The following RALGAPA1 variants were observed in gnomAD, a reference collection of about 807,000 sequenced individuals.
The protein encoded by RALGAPA1 is ral GTPase-activating protein subunit alpha-1.
A neutral mutation model predicts 269.6 loss-of-function variants in RALGAPA1; 52 were observed. The observed-to-expected ratio is 0.19, with a 90% confidence interval of 0.15 to 0.24. The LOEUF is 0.24. Among genes scored for constraint, RALGAPA1 ranks in the 10% least tolerant of loss-of-function variants. RALGAPA1 has a pLI of 1.00. For synonymous variants in RALGAPA1, 817 were observed against 1,008.3 expected, an observed-to-expected ratio of 0.81 and a Z score of 3.60; for missense variants, 1,917 against 3,013.9, an observed-to-expected ratio of 0.64 and a Z score of 8.52.
intron 37 of RALGAPA1, among the ~76,000 whole-genome samples, chr14:35,590,071 TC>T (rs2058546202): frequency 6.6e-6 from 1 of 152,208 alleles, no homozygotes. Flanking sequence ...TAAGATAAAT[TC>T]CTGGAACAAA....
Position 35,539,688 on chromosome 14 carries a change from A to T in RALGAPA1, c.*26T>A, listed in dbSNP as rs56329672. The T allele has an allele frequency of 6.2e-7, 1 of 1,613,718 alleles. No individual in the cohort carries two copies. Among genetic ancestry groups the T allele is most frequent in the Non-Finnish European group, 8.5e-7 (1 of 1,179,886 alleles). On this transcript the variant is annotated splice_region_variant and 3_prime_UTR_variant, in exon 42 of 42. Transcript: ENST00000680220. ...TCACTGGGTAGAATCTCTGGGTAGGAGCCTGTAGGAAACAGCAAGAGCATT... is the reference window on the plus strand; with the variant it reads ...TCACTGGGTAGAATCTCTGGGTAGGTGCCTGTAGGAAACAGCAAGAGCATT...
intron 6 of RALGAPA1, 105 bp from the exon 7 acceptor site, chr14:35,757,013 G>A: frequency 1.0e-6 from 1 of 973,362 alleles, no homozygotes; most frequent in Non-Finnish European, 1.4e-6. Flanking sequence ...AATGAAAATT[G>A]CTTGAAAACT....
chr14:35,675,446 G>C (rs1225779576), intron 22 of RALGAPA1, among the ~76,000 whole-genome samples: 1 of 152,140 alleles, frequency 6.6e-6, no homozygotes, highest in African/African-American at 2.4e-5. Context: ...AAAGTGTCGG[G>C]ATTACAGGCG....
chr14:35,683,732 T>C (rs2065669131), intron 21 of RALGAPA1, 77 bp downstream of exon 21: 1 of 1,128,294 alleles, frequency 8.9e-7, no homozygotes, highest in Non-Finnish European at 1.2e-6. Flanking sequence ...ATACTTAAAA[T>C]CTCTCAAAAT....
At chr14:35,614,262 AC>A (rs1251212728) in intron 35 of RALGAPA1, among the ~76,000 whole-genome samples, 3 of 152,214 alleles carry the variant, frequency 2.0e-5, no homozygotes, top group Non-Finnish European at 4.4e-5. Context: ...AAAAAACTGT[AC>A]ATGAATGTTC....
At chr14:35,742,623 A>T in intron 10 of RALGAPA1, 58 bp from the exon 11 acceptor site, 1 of 1,199,768 alleles carries the variant, frequency 8.3e-7, no homozygotes, top group Non-Finnish European at 1.2e-6. Context: ...ACAAACCACT[A>T]ACGCAGTAAT....
intron 31 of RALGAPA1, among the ~76,000 whole-genome samples, chr14:35,649,537 T>C (rs542504710): frequency 7.0e-4 from 106 of 152,336 alleles, no homozygotes; most frequent in Non-Finnish European, 1.3e-3. Flanking sequence ...TTCTAAAATA[T>C]GGAACTGCCT....
intron 16 of RALGAPA1, chr14:35,716,047 A>T: frequency 2.0e-6 from 2 of 984,666 alleles, no homozygotes; most frequent in Non-Finnish European, 2.4e-6. Flanking sequence ...ATGACTTTTT[A>T]AAAAGCCCCT....
chr14:35,589,335 G>C (rs2058496132), intron 37 of RALGAPA1, among the ~76,000 whole-genome samples: 1 of 152,114 alleles, frequency 6.6e-6, no homozygotes, highest in African/African-American at 2.4e-5. Flanking sequence ...GAGAGCTATT[G>C]TACAACATAA....
At chr14:35,567,088 C>T (rs1241814297) in intron 39 of RALGAPA1, among the ~76,000 whole-genome samples, 1 of 151,724 alleles carries the variant, frequency 6.6e-6, no homozygotes, top group Non-Finnish European at 1.5e-5. Context: ...GTTTGATCTA[C>T]CTGATTTAAT....
chr14:35,767,049 T>G, intron 4 of RALGAPA1: 1 of 348,472 alleles, frequency 2.9e-6, no homozygotes, highest in South Asian at 2.5e-5. Flanking sequence ...CTTCAAGAAC[T>G]TATGGATGAT....
At chr14:35,746,196 C>A (rs1356350824) in intron 10 of RALGAPA1, among the ~76,000 whole-genome samples, 2 of 152,022 alleles carry the variant, frequency 1.3e-5, no homozygotes, top group African/African-American at 4.8e-5. Context: ...CTTAAATTTG[C>A]AATATAAAAA....
chr14:35,708,415 TTAA>T (rs1320573136), intron 16 of RALGAPA1, among the ~76,000 whole-genome samples: 1 of 151,924 alleles, frequency 6.6e-6, no homozygotes, highest in Non-Finnish European at 1.5e-5. Context: ...AGGAAAAAAA[TTAA>T]TAATCCAATT....
intron 37 of RALGAPA1, among the ~76,000 whole-genome samples, chr14:35,579,409 T>C (rs553900885): frequency 6.6e-6 from 1 of 152,048 alleles, no homozygotes; most frequent in Non-Finnish European, 1.5e-5. Context: ...GGCGGGCAGA[T>C]CATGAGGTCA....
chr14:35,562,999 C>T (rs903363599), intron 39 of RALGAPA1, among the ~76,000 whole-genome samples: 19 of 108,448 alleles, frequency 1.8e-4, no homozygotes, highest in Non-Finnish European at 2.2e-4. Context: ...CCAGCCTGGG[C>T]AACAGAGCGA....
intron 10 of RALGAPA1, among the ~76,000 whole-genome samples, 198 bp from the exon 11 acceptor site, chr14:35,742,763 T>TAAAAAAAAAAAAAAAAAAAA (rs199500409): frequency 7.8e-6 from 1 of 128,726 alleles, no homozygotes; most frequent in African/African-American, 2.8e-5. Context: ...ATATTTCTAG[T>TAAAAAAAAAAAAAAAAAAAA]AAAAAAAAAA....
At chr14:35,746,266 T>C (rs1056717385) in intron 10 of RALGAPA1, among the ~76,000 whole-genome samples, 2 of 151,998 alleles carry the variant, frequency 1.3e-5, no homozygotes, top group Admixed American at 1.3e-4. Flanking sequence ...GCAGGCAAAA[T>C]GGGAGATGCT....
intron 35 of RALGAPA1, 134 bp downstream of exon 35, chr14:35,625,227 A>G: frequency 1.9e-6 from 1 of 538,638 alleles, no homozygotes; most frequent in South Asian, 4.1e-5. Context: ...AATTTTCCTT[A>G]AAAAACTTTT....
intron 39 of RALGAPA1, among the ~76,000 whole-genome samples, chr14:35,554,342 T>G (rs1439337455): frequency 7.3e-4 from 91 of 125,304 alleles, no homozygotes; most frequent in African/African-American, 3.0e-3. Context: ...CACTTTCTTT[T>G]TTTTTTTTTT....
Sources: gnomAD v4.1 joint callset for allele counts (sites outside exome capture counted in the v4.1 genomes callset) on GRCh38, gnomAD v4.1.1 for gene constraint, MANE v1.5 for transcripts, NCBI Gene and HGNC (gene_info 2026-07-23, HGNC 2026-07-21) for gene names.